TBC1D14: variants seen among roughly 807,000 people sequenced by gnomAD.
The protein encoded by TBC1D14 is TBC1 domain family member 14.
A neutral mutation model predicts 79.0 loss-of-function variants in TBC1D14; 26 were observed. The observed-to-expected ratio is 0.33, with a 90% confidence interval of 0.24 to 0.46. The LOEUF (loss-of-function observed/expected upper bound fraction) is 0.46, where lower values mean the gene tolerates loss of function less well. Among genes scored for constraint, TBC1D14 ranks in the 20% least tolerant of loss-of-function variants. The pLI is 1.00. For missense variants in TBC1D14, 769 were observed against 887.6 expected (o/e 0.87, Z 1.70); for synonymous variants, 394 against 349.9 (o/e 1.13, Z -1.40).
chr4:6,957,738 C>T (rs950834421), intron 2 of TBC1D14, among the ~76,000 whole-genome samples: 2 of 152,044 alleles, frequency 1.3e-5, no homozygotes, highest in African/African-American at 4.8e-5. Context: ...ATGGTGAGAC[C>T]CTGTTTCTAC....
At chr4:7,013,327 C>G (rs541540389) in intron 11 of TBC1D14, among the ~76,000 whole-genome samples, 2 of 152,344 alleles carry the variant, frequency 1.3e-5, no homozygotes, top group African/African-American at 2.4e-5. Context: ...GCCTTAGAGA[C>G]CAAATCACTC....
At chr4:6,953,471 A>AAC (rs1436829969) in intron 2 of TBC1D14, among the ~76,000 whole-genome samples, 28 of 143,236 alleles carry the variant, frequency 2.0e-4, no homozygotes, top group Admixed American at 2.8e-4. Flanking sequence ...AAAAAAAAAA[A>AAC]ATACAAAAAA....
intron 7 of TBC1D14, among the ~76,000 whole-genome samples, chr4:7,002,117 A>C (rs765622319): frequency 2.0e-5 from 3 of 152,144 alleles, no homozygotes; most frequent in African/African-American, 4.8e-5. Flanking sequence ...CATCCCAGGC[A>C]GGTCTCCCCT....
chr4:6,926,016 C>G (rs1724265424), intron 2 of TBC1D14, among the ~76,000 whole-genome samples: 1 of 152,168 alleles, frequency 6.6e-6, no homozygotes, highest in South Asian at 2.1e-4. Context: ...ATTCAACCGA[C>G]CTGTGCCATG....
At chr4:6,979,113 G>T (rs1032644015) in intron 3 of TBC1D14, among the ~76,000 whole-genome samples, 1 of 151,874 alleles carries the variant, frequency 6.6e-6, no homozygotes, top group Non-Finnish European at 1.5e-5. Context: ...TATACAAAGA[G>T]ATGGCAAAAA....
intron 12 of TBC1D14, among the ~76,000 whole-genome samples, chr4:7,024,687 G>A (rs983346432): frequency 5.9e-5 from 9 of 152,332 alleles, no homozygotes; most frequent in Middle Eastern, 3.4e-3. Context: ...GGCGTACAGC[G>A]GCCCCTAAGA....
intron 3 of TBC1D14, among the ~76,000 whole-genome samples, chr4:6,981,666 G>C (rs980540303): frequency 6.6e-6 from 1 of 152,184 alleles, no homozygotes; most frequent in African/African-American, 2.4e-5. Flanking sequence ...ACATTAAAAA[G>C]TTACAACCAT....
At chr4:6,916,601 T>C (rs1000796919) in intron 1 of TBC1D14, among the ~76,000 whole-genome samples, 7 of 152,184 alleles carry the variant, frequency 4.6e-5, no homozygotes, top group Admixed American at 3.9e-4. Context: ...TTCTGACTTG[T>C]ATTGAAGTGA....
chr4:6,987,092 GCCCGCCCCTCGCCGCTCATCAGC>G, intron 3 of TBC1D14: 2 of 654,878 alleles, frequency 3.1e-6, no homozygotes, highest in Non-Finnish European at 3.8e-6. Flanking sequence ...CGCCCCTTGT[GCCCGCCCCTCGCCGCTCATCAGC>G]CCCGCCCCCT....
At chr4:7,017,841 T>A (rs1409313723) in intron 12 of TBC1D14, among the ~76,000 whole-genome samples, 1 of 152,238 alleles carries the variant, frequency 6.6e-6, no homozygotes, top group Non-Finnish European at 1.5e-5. Context: ...TCATGACTTA[T>A]TTCCTGAGTC....
At chr4:6,927,804 C>G (rs943291157) in intron 2 of TBC1D14, among the ~76,000 whole-genome samples, 4 of 152,184 alleles carry the variant, frequency 2.6e-5, no homozygotes, top group Non-Finnish European at 4.4e-5. Flanking sequence ...ACAGAATCAC[C>G]CAGCCTTTGA....
intron 9 of TBC1D14, among the ~76,000 whole-genome samples, chr4:7,009,111 A>G (rs1720500382): frequency 6.6e-6 from 1 of 152,172 alleles, no homozygotes; most frequent in South Asian, 2.1e-4. Flanking sequence ...CTGTGGAGTG[A>G]CTTCTTATCT....
rs546859471 is a variant in TBC1D14 at position 6,909,860 on chromosome 4, C to T, written c.-109C>T. 46 of 148,264 alleles carry T rather than the reference C, an allele frequency of 3.1e-4. No homozygotes were observed. Among genetic ancestry groups the T allele is most frequent in the Admixed American group, 3.1e-3 (46 of 14,944 alleles). 9.2% of individuals were successfully genotyped at this position (148,264 alleles called of 1,614,324 possible). A position where few individuals can be genotyped will look rare whatever the true frequency, so the allele number is the denominator to read the frequency against. On this transcript the variant is annotated 5_prime_UTR_variant, in exon 1 of 14. Coordinates refer to ENST00000409757, the MANE Select transcript of TBC1D14 (RefSeq NM_020773.3). Reference sequence around the variant, plus strand: ...TCGGACCCGCTGCCTACCGCGTGCCCGGCGTCCTCGTCGCGCGAGTTGCCG... The same window carrying T: ...TCGGACCCGCTGCCTACCGCGTGCCTGGCGTCCTCGTCGCGCGAGTTGCCG...
intron 1 of TBC1D14, among the ~76,000 whole-genome samples, chr4:6,917,993 C>T (rs1271724312): frequency 6.6e-6 from 1 of 152,164 alleles, no homozygotes; most frequent in African/African-American, 2.4e-5. Flanking sequence ...AAAACTGACG[C>T]CCTGTTCTGA....
intron 2 of TBC1D14, among the ~76,000 whole-genome samples, chr4:6,938,846 C>G (rs1433796507): frequency 6.6e-6 from 1 of 152,194 alleles, no homozygotes; most frequent in African/African-American, 2.4e-5. Context: ...TCCCAGGGGC[C>G]CAGTGTTCCA....
intron 1 of TBC1D14, among the ~76,000 whole-genome samples, chr4:6,917,010 C>T (rs1398940143): frequency 6.6e-6 from 1 of 152,234 alleles, no homozygotes; most frequent in Non-Finnish European, 1.5e-5. Flanking sequence ...CATGTGTTGA[C>T]AGCGTTCCTC....
chr4:7,018,493 A>G (rs546977521), intron 12 of TBC1D14, among the ~76,000 whole-genome samples: 1 of 152,250 alleles, frequency 6.6e-6, no homozygotes, highest in South Asian at 2.1e-4. Flanking sequence ...CCAGTGGTAA[A>G]GCTTCAAGAG....
chr4:6,933,873 CAA>C (rs1211211221), intron 2 of TBC1D14, among the ~76,000 whole-genome samples: 1 of 152,084 alleles, frequency 6.6e-6, no homozygotes, highest in East Asian at 1.9e-4. Context: ...AGAGTCCAGA[CAA>C]GAGGTGATGA....
chr4:6,951,023 C>T (rs921338355), intron 2 of TBC1D14, among the ~76,000 whole-genome samples: 1 of 152,326 alleles, frequency 6.6e-6, no homozygotes, highest in Admixed American at 6.5e-5. Context: ...GGCGCAGTGG[C>T]TCATGCCTGG....
Sources: allele counts gnomAD v4.1 joint callset (sites outside exome capture counted in the v4.1 genomes callset), GRCh38; gene constraint gnomAD v4.1.1; transcripts MANE v1.5; gene names NCBI Gene and HGNC (gene_info 2026-07-23, HGNC 2026-07-21).